The following INPP5A variants were observed in gnomAD, a reference collection of about 807,000 sequenced individuals.
The protein encoded by INPP5A is inositol polyphosphate-5-phosphatase A.
Under a neutral mutation model 65.2 loss-of-function variants are expected in INPP5A, and 14 were observed. The observed-to-expected ratio is 0.21, with a 90% CI of 0.14 to 0.34. The LOEUF (loss-of-function observed/expected upper bound fraction) is 0.34, where lower values mean the gene tolerates loss of function less well. Among genes scored for constraint, INPP5A ranks in the 10% least tolerant of loss-of-function variants. The pLI, the probability that INPP5A is intolerant of heterozygous loss-of-function variation, is 1.00. For missense variants in INPP5A, 431 were observed against 545.6 expected (o/e 0.79, Z 2.09); for synonymous variants, 207 against 208.3 (o/e 0.99, Z 0.05).
chr10:132,766,593 A>G (rs1419205061), intron 12 of INPP5A, among the ~76,000 whole-genome samples: 1 of 152,162 alleles, frequency 6.6e-6, no homozygotes, highest in African/African-American at 2.4e-5. Flanking sequence ...ACATGGTTGC[A>G]TATGTGAGCA....
chr10:132,705,182 T>C lies in INPP5A; in HGVS notation c.475-3131T>C, dbSNP rs1216796036. ...ACAGCTCAGCTTCCCACTGATGTGTTTCCATTGCAGACACAGTTACCGACA... is the reference window on the plus strand; with the variant it reads ...ACAGCTCAGCTTCCCACTGATGTGTCTCCATTGCAGACACAGTTACCGACA... On this transcript the variant is annotated intron_variant, in intron 6 of 15. Coordinates refer to ENST00000368594, the MANE Select transcript of INPP5A (RefSeq NM_005539.5). This position sits in a 1 kb window ranked among gnomAD's most constrained non-coding sequence, Gnocchi z 4.9. 1.3e-5 allele frequency among the ~76,000 whole-genome samples: 2 copies of C among 152,154 alleles called. No homozygotes were observed. The highest frequency in any genetic ancestry group is 2.9e-5 in the Non-Finnish European group (2 of 68,020).
In INPP5A at chr10:132,575,582, C is replaced by T. The variant is rs2071403718; in HGVS notation, c.76-32333C>T. On this transcript the variant is annotated intron_variant, in intron 1 of 15. Coordinates refer to ENST00000368594, the MANE Select transcript of INPP5A (RefSeq NM_005539.5). The surrounding 1 kb of genome is among the most constrained non-coding windows in gnomAD (Gnocchi z 5.4). The stretch of plus-strand genomic sequence containing the variant: ...ACTTCCCTAACCCAACCACAAGCAG[C>T]GGAGCCAGTTATTTCTTGGCTTCTC... Among the ~76,000 whole-genome samples, 2 of 152,150 alleles carry T rather than the reference C, an allele frequency of 1.3e-5. No individual in the cohort carries two copies. Among genetic ancestry groups the T allele is most frequent in the Middle Eastern group, 3.2e-3 (1 of 316 alleles).
rs1038030066 is a variant in INPP5A, at chr10:132,707,432, G to A, written c.475-881G>A. 6.6e-6 allele frequency among the ~76,000 whole-genome samples: 1 copy of A among 152,216 alleles called. No homozygotes were observed. Among genetic ancestry groups the A allele is most frequent in the Non-Finnish European group, 1.5e-5 (1 of 68,038 alleles). On this transcript the variant is annotated intron_variant, in intron 6 of 15. Transcript: ENST00000368594. The surrounding 1 kb of genome is among the most constrained non-coding windows in gnomAD (Gnocchi z 5.5). ...TGTGGTTTTCAAGGGTTTCCCAAGA[G>A]GCCTAGGCTGTGAAGCTACCCTGTT...
chr10:132,697,999 C>T lies in INPP5A; in HGVS notation c.474+80C>T, dbSNP rs1042842922. ...GAAGTGACATGGAACACGGAATTTTCGCATTGCACTGTTACTAGTCACAGC... is the reference window on the plus strand; with the variant it reads ...GAAGTGACATGGAACACGGAATTTTTGCATTGCACTGTTACTAGTCACAGC... On this transcript the variant is annotated intron_variant, in intron 6 of 15. Coordinates refer to ENST00000368594, the MANE Select transcript of INPP5A (RefSeq NM_005539.5). This position sits in a 1 kb window ranked among gnomAD's most constrained non-coding sequence, Gnocchi z 5.6. The T allele has an allele frequency of 9.0e-6, 8 of 887,268 alleles. No homozygotes were observed. The highest frequency in any genetic ancestry group is 2.8e-5 in the South Asian group (2 of 70,730). 55.0% of individuals were successfully genotyped at this position (887,268 alleles called of 1,614,324 possible).
Position 132,644,250 on chromosome 10 carries a change from C to T in INPP5A, c.118-1618C>T, listed in dbSNP as rs139162071. Among the ~76,000 whole-genome samples the T allele has an allele frequency of 1.1e-3, 174 of 152,318 alleles. 1 individual carries two copies. The highest frequency in any genetic ancestry group is 3.4e-3 in the Middle Eastern group (1 of 294). On this transcript the variant is annotated intron_variant, in intron 2 of 15. Coordinates refer to ENST00000368594, the MANE Select transcript of INPP5A (RefSeq NM_005539.5). The surrounding 1 kb of genome is among the most constrained non-coding windows in gnomAD (Gnocchi z 6.5). ...CACGCCCAGGAGGGAGGGGCCCACT[C>T]GGTGCATCCACGCAGAGGCGGCTGC...
At chr10:132,723,581 TTGGCCGTGTGGGGATTGGTTTTGTGGGGA>T in intron 8 of INPP5A, among the ~76,000 whole-genome samples, 1 of 93,934 alleles carries the variant, frequency 1.1e-5, no homozygotes, top group African/African-American at 4.5e-5. Context: ...CATGTGGGGA[TTGGCCGTGTGGGGATTGGTTTTGTGGGGA>T]TTGGCCGTGT....
chr10:132,626,089 AC>A lies in INPP5A; in HGVS notation c.117+18134del, dbSNP rs113855625. Among the ~76,000 whole-genome samples the A allele has an allele frequency of 8.1e-3, 1,237 of 152,080 alleles. 15 individuals carry two copies. Among genetic ancestry groups the A allele is most frequent in the African/African-American group, 0.029 (1,187 of 41,450 alleles). On this transcript the variant is annotated intron_variant, in intron 2 of 15. Coordinates refer to ENST00000368594, the MANE Select transcript of INPP5A (RefSeq NM_005539.5). ...CGTTTTTCCCATTCCAGAACGTCAC[AC>A]GCTGAGACCCAGGGAACGTGGCGGC...
chr10:132,770,855 T>C (rs1404312971), intron 12 of INPP5A, among the ~76,000 whole-genome samples: 1 of 152,138 alleles, frequency 6.6e-6, no homozygotes, highest in Non-Finnish European at 1.5e-5. Context: ...GCGGCACGTC[T>C]GGCACCCAGT....
chr10:132,754,879 ATGTG>A (rs1846563471), intron 11 of INPP5A, among the ~76,000 whole-genome samples: 1 of 152,132 alleles, frequency 6.6e-6, no homozygotes, highest in Non-Finnish European at 1.5e-5. Flanking sequence ...GTGCGTGGAT[ATGTG>A]TGTGAGCAGG....
At position 132,741,138 on chromosome 10, in the gene INPP5A, C is replaced by T. The variant is rs1405514183; in HGVS notation, c.733-8379C>T. Among the ~76,000 whole-genome samples the T allele has an allele frequency of 2.0e-5, 3 of 152,256 alleles. No individual in the cohort carries two copies. The highest frequency in any genetic ancestry group is 7.2e-5 in the African/African-American group (3 of 41,544). ...GTCCCAGATACTCAGGAGGCTGAGG[C>T]GGGAGGATTGCTTGAGCCCGGAGGT... On this transcript the variant is annotated intron_variant, in intron 9 of 15. Coordinates refer to ENST00000368594, the MANE Select transcript of INPP5A (RefSeq NM_005539.5). This position sits in a 1 kb window ranked among gnomAD's most constrained non-coding sequence, Gnocchi z 4.4.
At chr10:132,561,727 C>G (rs2071208735) in intron 1 of INPP5A, among the ~76,000 whole-genome samples, 1 of 137,548 alleles carries the variant, frequency 7.3e-6, no homozygotes, top group Non-Finnish European at 1.5e-5. Context: ...AATTTCCACA[C>G]ACACACACAC....
Position 132,698,061 on chromosome 10 carries a change from AGT to A in INPP5A, c.474+143_474+144del. Reference sequence around the variant, plus strand: ...ACCTCCGATAATCTGTCTTCCTGGGAGTCCAGGCTTCTGTGGTTGGTCTGGGC... The same window carrying A: ...ACCTCCGATAATCTGTCTTCCTGGGACCAGGCTTCTGTGGTTGGTCTGGGC... On this transcript the variant is annotated intron_variant, in intron 6 of 15. Transcript: ENST00000368594. The surrounding 1 kb of genome is among the most constrained non-coding windows in gnomAD (Gnocchi z 5.5). The A allele has an allele frequency of 4.6e-6, 3 of 654,978 alleles. No homozygotes were observed. The highest frequency in any genetic ancestry group is 8.3e-6 in the Non-Finnish European group (3 of 359,400). 40.6% of individuals were successfully genotyped at this position (654,978 alleles called of 1,614,324 possible).
At chr10:132,749,639 T>C in intron 10 of INPP5A, 27 bp downstream of exon 10, 7 of 1,605,896 alleles carry the variant, frequency 4.4e-6, no homozygotes, top group Non-Finnish European at 6.0e-6. Context: ...ACTGGGCAGG[T>C]GACGCACGGG....
intron 9 of INPP5A, among the ~76,000 whole-genome samples, chr10:132,736,499 C>T (rs1239252684): frequency 6.6e-6 from 1 of 152,336 alleles, no homozygotes; most frequent in East Asian, 1.9e-4. Context: ...GAGCCGTCCT[C>T]GGAGAGGGGC....
At chr10:132,720,931 C>A (rs1353472525) in intron 8 of INPP5A, among the ~76,000 whole-genome samples, 1 of 148,604 alleles carries the variant, frequency 6.7e-6, no homozygotes, top group Middle Eastern at 3.5e-3. Flanking sequence ...TTCTGTGGTG[C>A]CTGGGTTCTG....
Position 132,616,157 on chromosome 10 carries a change from G to A in INPP5A, c.117+8201G>A, listed in dbSNP as rs536394978. ...TCCTCCTGTCCTTGCAGCCACTGGA[G>A]GGGAAGCTTCTTGTCCTTAAGTCAG... On this transcript the variant is annotated intron_variant, in intron 2 of 15. Transcript: ENST00000368594. This position sits in a 1 kb window ranked among gnomAD's most constrained non-coding sequence, Gnocchi z 4.9. Among the ~76,000 whole-genome samples the A allele has an allele frequency of 6.6e-6, 1 of 152,346 alleles. No individual in the cohort carries two copies. Among genetic ancestry groups the A allele is most frequent in the East Asian group, 1.9e-4 (1 of 5,192 alleles).
intron 1 of INPP5A, among the ~76,000 whole-genome samples, chr10:132,606,075 G>A (rs1426611288): frequency 1.3e-5 from 2 of 152,164 alleles, no homozygotes; most frequent in Non-Finnish European, 2.9e-5. Context: ...GTGTGTCCAG[G>A]TGTCCGCTGT....
At chr10:132,779,597 T>C (rs1465379703) in intron 13 of INPP5A, among the ~76,000 whole-genome samples, 1 of 152,252 alleles carries the variant, frequency 6.6e-6, no homozygotes, top group Non-Finnish European at 1.5e-5. Context: ...TGACACTTTA[T>C]GCTCAGGGTG....
chr10:132,731,113 C>T (rs1437891263), intron 9 of INPP5A, among the ~76,000 whole-genome samples: 1 of 152,200 alleles, frequency 6.6e-6, no homozygotes, highest in Non-Finnish European at 1.5e-5. Context: ...GCCTGGCAGA[C>T]GTGGCGGTCA....
Sources: gnomAD v4.1 joint callset for allele counts (sites outside exome capture counted in the v4.1 genomes callset) on GRCh38, gnomAD v4.1.1 for gene constraint, Gnocchi (gnomAD v3.1) non-coding constraint, MANE v1.5 for transcripts, NCBI Gene and HGNC (gene_info 2026-07-23, HGNC 2026-07-21) for gene names.